Variants in SMURF2 observed in about 807,000 individuals in gnomAD.
The protein encoded by SMURF2 is SMAD specific E3 ubiquitin protein ligase 2.
A neutral mutation model predicts 109.6 loss-of-function variants in SMURF2; 48 were observed. The ratio of observed to expected loss-of-function variants is 0.44; its 90% CI spans 0.35 to 0.56. The LOEUF is 0.56. Ranked by LOEUF, SMURF2 falls within the 20% of genes least tolerant of loss-of-function variation. The pLI is 0.01. For synonymous variants in SMURF2, 288 were observed against 317.1 expected, an observed-to-expected ratio of 0.91 and a Z score of 0.97; for missense variants, 575 against 909.0, an observed-to-expected ratio of 0.63 and a Z score of 4.72.
In SMURF2 at chr17:64,547,492, GAA is replaced by G. The variant is rs782089124; in HGVS notation, c.2071+106_2071+107del. The G allele has an allele frequency of 1.2e-5, 11 of 905,636 alleles. No individual in the cohort carries two copies. The highest frequency in any genetic ancestry group is 1.7e-5 in the Non-Finnish European group (10 of 578,758). The allele number at this position is 905,636 out of a possible 1,614,324, so 56.1% of individuals were successfully genotyped here. The stretch of plus-strand genomic sequence containing the variant: ...AATGTGAGAGTCACAGATAAGAAGT[GAA>G]AAAGAGAATCTCTAAGCACATGGTT... On this transcript the variant is annotated intron_variant, in intron 17 of 18. Transcript: ENST00000262435. This position sits in a 1 kb window ranked among gnomAD's most constrained non-coding sequence, Gnocchi z 4.2.
intron 1 of SMURF2, among the ~76,000 whole-genome samples, chr17:64,635,576 A>T (rs1970405693): frequency 6.6e-6 from 1 of 152,146 alleles, no homozygotes; most frequent in Non-Finnish European, 1.5e-5. Context: ...GGAATTAAAC[A>T]ATATGGCTTT....
chr17:64,555,996 T>C lies in SMURF2; in HGVS notation c.1434A>G (p.Glu478=). The change falls in exon 14 of 19, where the codon GAA becomes GAG. Residue 478 remains glutamate (E), a splice_region_variant and synonymous_variant. Coordinates refer to ENST00000262435, the MANE Select transcript of SMURF2 (RefSeq NM_022739.4). ...CAACAAAGTGGAAATAGGATAAATG[T>C]TCCTGAAATTGAAAACAGTATATAT... ...QINPDSAVNP[E]HLSYFHFVGR... is the part of the protein sequence containing the mutation. 1 of 1,606,970 alleles carries C rather than the reference T, an allele frequency of 6.2e-7. No homozygotes were observed. The highest frequency in any genetic ancestry group is 8.5e-7 in the Non-Finnish European group (1 of 1,175,816).
chr17:64,596,227 T>C (rs1969815097), intron 3 of SMURF2, among the ~76,000 whole-genome samples: 1 of 152,114 alleles, frequency 6.6e-6, no homozygotes, highest in South Asian at 2.1e-4. Context: ...CTCGTTATGT[T>C]GTAGCTGGAT....
intron 3 of SMURF2, 77 bp downstream of exon 3, chr17:64,598,305 T>C: frequency 1.6e-6 from 2 of 1,256,920 alleles, no homozygotes; most frequent in South Asian, 1.7e-5. Context: ...CCCAGATCAT[T>C]TCCCATGATT....
chr17:64,607,039 T>C (rs922630604), intron 1 of SMURF2, among the ~76,000 whole-genome samples: 15 of 151,388 alleles, frequency 9.9e-5, no homozygotes, highest in Admixed American at 3.3e-4. Flanking sequence ...CAAATAAAGA[T>C]AAAGCTTTCC....
chr17:64,546,376 TGCGTGCATTA>T lies in SMURF2; in HGVS notation c.2072-48_2072-39del, dbSNP rs781964668. 3 of 1,580,754 alleles carry T rather than the reference TGCGTGCATTA, an allele frequency of 1.9e-6. No individual in the cohort carries two copies. In the African/African-American group the frequency reaches 4.0e-5, roughly 21 times the overall value. ...GAAATGTGGATGAAATCACTGCAGG[TGCGTGCATTA>T]GTCTCCAAAATCTTAAGAATAAAAC... is the stretch of plus-strand genomic sequence containing the variant. On this transcript the variant is annotated intron_variant, in intron 17 of 18. Transcript: ENST00000262435.
chr17:64,586,973 G>C (rs1342970919), intron 5 of SMURF2, among the ~76,000 whole-genome samples: 1 of 151,914 alleles, frequency 6.6e-6, no homozygotes, highest in Non-Finnish European at 1.5e-5. Context: ...AGACTAGCCT[G>C]GCAAACATGG....
At position 64,645,847 on chromosome 17, in the gene SMURF2, C is replaced by T. The variant is rs545525698; in HGVS notation, c.52+15982G>A. 7.2e-5 allele frequency among the ~76,000 whole-genome samples: 11 copies of T among 152,212 alleles called. No individual in the cohort carries two copies. In the East Asian group the frequency reaches 2.1e-3, roughly 29 times the overall value. On this transcript the variant is annotated intron_variant, in intron 1 of 18. Coordinates refer to ENST00000262435, the MANE Select transcript of SMURF2 (RefSeq NM_022739.4). ...TTCATGTGTCTATTAATGACTATTA[C>T]TTATTGCTGGAATGAGGGTACAACA... is the stretch of plus-strand genomic sequence containing the variant.
At chr17:64,554,751 G>A (rs991101025) in intron 15 of SMURF2, 105 bp downstream of exon 15, 161 of 1,027,188 alleles carry the variant, frequency 1.6e-4, no homozygotes, top group African/African-American at 4.7e-4. Context: ...CTCCTGAAGC[G>A]GATTTTGTAA....
intron 1 of SMURF2, among the ~76,000 whole-genome samples, chr17:64,612,696 A>G (rs1555689683): frequency 6.6e-6 from 1 of 152,098 alleles, no homozygotes; most frequent in African/African-American, 2.4e-5. Flanking sequence ...CCTCAAAAAA[A>G]TCTTATTTTT....
At chr17:64,557,512 G>T in intron 13 of SMURF2, 96 bp downstream of exon 13, 1 of 875,088 alleles carries the variant, frequency 1.1e-6, no homozygotes, top group Non-Finnish European at 1.8e-6. Context: ...GCACAACTAA[G>T]ACAAGGACAA....
chr17:64,553,312 C>A (rs1298226597), intron 15 of SMURF2, among the ~76,000 whole-genome samples: 5 of 151,866 alleles, frequency 3.3e-5, no homozygotes, highest in Non-Finnish European at 5.9e-5. Flanking sequence ...TGAGACCAGC[C>A]TGGCCAATAT....
At chr17:64,652,252 A>G (rs1555693572) in intron 1 of SMURF2, among the ~76,000 whole-genome samples, 1 of 152,254 alleles carries the variant, frequency 6.6e-6, no homozygotes, top group Non-Finnish European at 1.5e-5. Context: ...TAATAAAAAT[A>G]ATATCTGTCA....
chr17:64,584,054 C>T (rs1343234903), intron 6 of SMURF2, among the ~76,000 whole-genome samples: 1 of 151,920 alleles, frequency 6.6e-6, no homozygotes, highest in Admixed American at 6.5e-5. Flanking sequence ...GTAATTCCAG[C>T]ATTTTGGGAG....
chr17:64,639,156 A>C (rs574353311), intron 1 of SMURF2, among the ~76,000 whole-genome samples: 13 of 152,348 alleles, frequency 8.5e-5, no homozygotes, highest in African/African-American at 2.9e-4. Flanking sequence ...GAAAAATCTT[A>C]AACTACACAC....
intron 1 of SMURF2, among the ~76,000 whole-genome samples, chr17:64,655,257 T>G (rs1970691424): frequency 7.3e-6 from 1 of 136,436 alleles, no homozygotes; most frequent in Non-Finnish European, 1.6e-5. Context: ...AATGTCTTTT[T>G]TTTTTTTTTT....
rs568865303 is a variant in SMURF2, at chr17:64,596,472, AAAGAT to A, written c.200+1905_200+1909del. Among the ~76,000 whole-genome samples the A allele has an allele frequency of 1.2e-3, 190 of 152,132 alleles. 1 individual carries two copies. The highest frequency in any genetic ancestry group is 8.2e-4 in the Non-Finnish European group (56 of 67,994). ...AGAAGCCTATATTCAAACCATATCA[AAAGAT>A]AAGAAGTCAAAGTATATCTTCTGAT... On this transcript the variant is annotated intron_variant, in intron 3 of 18. Transcript: ENST00000262435.
In SMURF2 at chr17:64,580,444, G is replaced by T. The variant is rs115499209; in HGVS notation, c.772+345C>A. 9.3e-3 allele frequency among the ~76,000 whole-genome samples: 1,410 copies of T among 152,176 alleles called. 16 individuals are homozygous for T. Among genetic ancestry groups the T allele is most frequent in the African/African-American group, 0.033 (1,352 of 41,490 alleles). Reference sequence around the variant, plus strand: ...GTCATAGGTTGAACTTCAGATTACCGTTATCAGTAACAATACCATCTTACC... The same window carrying T: ...GTCATAGGTTGAACTTCAGATTACCTTTATCAGTAACAATACCATCTTACC... On this transcript the variant is annotated intron_variant, in intron 8 of 18. Transcript: ENST00000262435.
At chr17:64,653,594 G>T (rs1970667042) in intron 1 of SMURF2, among the ~76,000 whole-genome samples, 1 of 152,040 alleles carries the variant, frequency 6.6e-6, no homozygotes, top group African/African-American at 2.4e-5. Flanking sequence ...GATACTACAG[G>T]CACAGGCCAC....
Sources: allele counts gnomAD v4.1 joint callset (sites outside exome capture counted in the v4.1 genomes callset), GRCh38; gene constraint gnomAD v4.1.1; non-coding constraint Gnocchi (gnomAD v3.1); transcripts MANE v1.5; gene names NCBI Gene and HGNC (gene_info 2026-07-23, HGNC 2026-07-21).